ZNF705G: variants seen among roughly 807,000 people sequenced by gnomAD.
The protein encoded by ZNF705G is zinc finger protein 705G.
ZNF705G carries 23 observed loss-of-function variants against 19.6 expected under a neutral mutation model. The ratio of observed to expected loss-of-function variants is 1.17; its 90% confidence interval spans 0.84 to 1.66. The LOEUF is 1.66. ZNF705G is among the 40% of genes most tolerant of loss of function. ZNF705G has a pLI of 0.00. For synonymous variants in ZNF705G, 146 were observed against 117.7 expected (o/e 1.24, Z -1.56); for missense variants, 457 against 354.4 (o/e 1.29, Z -2.32).
At chr8:7,367,183 A>G (rs1469532057) in intron 2 of ZNF705G, among the ~76,000 whole-genome samples, 24 of 149,522 alleles carry the variant, frequency 1.6e-4, no homozygotes, top group Non-Finnish European at 2.5e-4. Context: ...TGATGGGACA[A>G]ATGTCTAATG....
Position 7,361,180 on chromosome 8 carries a change from C to T in ZNF705G, c.69G>A (p.Met23Ile). Residue 23 changes from methionine to isoleucine, a missense_variant, in exon 4 of 7, where the codon ATG becomes ATA. By Grantham distance (10) the Met-to-Ile change is conservative. Coordinates refer to ENST00000400156, the MANE Select transcript of ZNF705G (RefSeq NM_001164457.3). ...ACAGCTTTCTCTTGGATGTGTCCAT[C>T]ATGGCCCACTCTTCCTGGGTGAAGT... ...AIDFTQEEWA[M>I]MDTSKRKLYR... is the part of the protein sequence containing the mutation. 9 of 1,593,142 alleles carry T rather than the reference C, an allele frequency of 5.6e-6. 1 individual carries two copies. The highest frequency in any genetic ancestry group is 4.4e-5 in the South Asian group (4 of 90,748).
At chr8:7,366,105 T>A (rs1448926626) in intron 2 of ZNF705G, among the ~76,000 whole-genome samples, 1 of 149,134 alleles carries the variant, frequency 6.7e-6, no homozygotes, top group Non-Finnish European at 1.5e-5. Flanking sequence ...GAATAGATTT[T>A]TTTAAAGTAT....
At position 7,358,468 on chromosome 8, in the gene ZNF705G, A is replaced by C. The variant is rs1806396875; in HGVS notation, c.411T>G (p.Thr137=). The C allele has an allele frequency of 1.2e-6, 2 of 1,607,602 alleles. No homozygotes were observed. Among genetic ancestry groups the C allele is most frequent in the Non-Finnish European group, 1.7e-6 (2 of 1,179,618 alleles). ...RSSTITQCLL[T]HSGKKPYVSK... ...TGACATAGGGTTTCTTTCCACTATGAGTTAACAAACACTGAGTTATTGTGG... is the reference window on the plus strand; with the variant it reads ...TGACATAGGGTTTCTTTCCACTATGCGTTAACAAACACTGAGTTATTGTGG... Residue 137 remains threonine, a synonymous_variant, in exon 7 of 7, where the codon ACT becomes ACG. Coordinates refer to ENST00000400156, the MANE Select transcript of ZNF705G (RefSeq NM_001164457.3).
intron 2 of ZNF705G, among the ~76,000 whole-genome samples, chr8:7,379,730 A>G (rs564366643): frequency 2.7e-5 from 4 of 147,434 alleles, no homozygotes; most frequent in East Asian, 3.9e-4. Flanking sequence ...GCCAAGGGAC[A>G]GTCTCTCAGC....
intron 2 of ZNF705G, among the ~76,000 whole-genome samples, chr8:7,370,252 C>A (rs1357325112): frequency 7.2e-6 from 1 of 138,776 alleles, no homozygotes; most frequent in East Asian, 2.1e-4. Flanking sequence ...GCCTGTGTGA[C>A]ACACCGAGAC....
Position 7,357,085 on chromosome 8 carries a change from A to G in ZNF705G, c.*891T>C, listed in dbSNP as rs1318279601. ...GATTTTCAAGTTTGATAGCTCCTCA[A>G]TGTGAGAAACTCAATGTCAACTAAG... is the stretch of plus-strand genomic sequence containing the variant. On this transcript the variant is annotated 3_prime_UTR_variant, in exon 7 of 7. Coordinates refer to ENST00000400156, the MANE Select transcript of ZNF705G (RefSeq NM_001164457.3). 8 of 150,104 alleles carry G rather than the reference A, an allele frequency of 5.3e-5. No individual in the cohort carries two copies. Among genetic ancestry groups the G allele is most frequent in the African/African-American group, 2.0e-4 (8 of 39,174 alleles). The allele number at this position is 150,104 out of a possible 1,614,324, so 9.3% of individuals were successfully genotyped here.
chr8:7,361,150 T>A lies in ZNF705G; in HGVS notation c.99A>T (p.Arg33Ser). 1 of 1,593,024 alleles carries A rather than the reference T, an allele frequency of 6.3e-7. No homozygotes were observed. Among genetic ancestry groups the A allele is most frequent in the Non-Finnish European group, 8.5e-7 (1 of 1,179,460 alleles). The change falls in exon 4 of 7, where the codon AGA (arginine) becomes AGT (serine). Residue 33 changes from arginine (R) to serine (S), a missense_variant. By Grantham distance (110) the Arg-to-Ser change is moderately radical. Coordinates refer to ENST00000400156, the MANE Select transcript of ZNF705G (RefSeq NM_001164457.3). ...GACTGATATTTTCCAGCATCACATC[T>A]CTGTACAGCTTTCTCTTGGATGTGT... ...MMDTSKRKLY[R>S]DVMLENISHL...
intron 3 of ZNF705G, among the ~76,000 whole-genome samples, chr8:7,361,561 G>T (rs1182377493): frequency 2.7e-5 from 4 of 149,582 alleles, no homozygotes; most frequent in Admixed American, 1.3e-4. Flanking sequence ...TAAATAAAAT[G>T]AAATTTACCA....
rs529741857 is a variant in ZNF705G, at chr8:7,356,202, T to C, written c.*1774A>G. On this transcript the variant is annotated 3_prime_UTR_variant, in exon 7 of 7. Coordinates refer to ENST00000400156, the MANE Select transcript of ZNF705G (RefSeq NM_001164457.3). ...CAGGAAAAGTACATTGAATCAAATATAGGAAAGGCTTGCAAGGTGGCTGAC... is the reference window on the plus strand; with the variant it reads ...CAGGAAAAGTACATTGAATCAAATACAGGAAAGGCTTGCAAGGTGGCTGAC... The C allele has an allele frequency of 2.0e-5, 3 of 149,614 alleles. No individual in the cohort carries two copies. Among genetic ancestry groups the C allele is most frequent in the East Asian group, 3.9e-4 (2 of 5,180 alleles). 9.3% of individuals were successfully genotyped at this position (149,614 alleles called of 1,614,324 possible). A position where few individuals can be genotyped will look rare whatever the true frequency, so the allele number is the denominator to read the frequency against.
intron 2 of ZNF705G, among the ~76,000 whole-genome samples, chr8:7,380,438 T>G (rs1324091910): frequency 1.4e-5 from 2 of 147,392 alleles, no homozygotes; most frequent in East Asian, 3.9e-4. Flanking sequence ...TCTGGGAGCC[T>G]GGGAATTAAT....
chr8:7,358,256 G>A lies in ZNF705G; in HGVS notation c.623C>T (p.Ala208Val), dbSNP rs762154445. The change falls in exon 7 of 7, where the codon GCC becomes GTC. Residue 208 changes from alanine to valine, a missense_variant. Physicochemically the swap from Ala to Val is moderately conservative, Grantham distance 64. Transcript: ENST00000400156. ...RPYACHLCRK[A>V]FTQCSHLRRH... ...TCTAAGGTGAGAACACTGAGTGAAGGCTTTTCTACATAGATGACATGCATA... is the reference window on the plus strand; with the variant it reads ...TCTAAGGTGAGAACACTGAGTGAAGACTTTTCTACATAGATGACATGCATA... The A allele has an allele frequency of 5.6e-6, 9 of 1,607,496 alleles. No homozygotes were observed. In the Admixed American group the frequency reaches 6.7e-5, roughly 12 times the overall value.
chr8:7,370,836 G>A, intron 2 of ZNF705G, among the ~76,000 whole-genome samples: 1 of 108,098 alleles, frequency 9.3e-6, no homozygotes, highest in Non-Finnish European at 1.9e-5. Context: ...GTGACAGACT[G>A]GATAAAGAAA....
intron 6 of ZNF705G, 28 bp from the exon 7 acceptor site, chr8:7,358,588 A>C (rs574035103): frequency 1.2e-6 from 2 of 1,606,548 alleles, no homozygotes; most frequent in African/African-American, 2.8e-5. Context: ...AAAGCTCTTA[A>C]TGGTTTACCC....
rs1479503980 is a variant in ZNF705G at position 7,358,164 on chromosome 8, G to T, written c.715C>A (p.Gln239Lys). Residue 239 changes from glutamine to lysine, a missense_variant, in exon 7 of 7, where the codon CAA becomes AAA. Coordinates refer to ENST00000400156, the MANE Select transcript of ZNF705G (RefSeq NM_001164457.3). ...KCHQYGKVFI[Q>K]SFNLQRHERT... ...TCATGTCTTTGAAGGTTAAAGGATT[G>T]AATAAAGACTTTCCCATATTGATGA... 2 of 1,607,476 alleles carry T rather than the reference G, an allele frequency of 1.2e-6. No homozygotes were observed. Among genetic ancestry groups the T allele is most frequent in the Admixed American group, 3.3e-5 (2 of 59,936 alleles).
intron 4 of ZNF705G, 94 bp downstream of exon 4, chr8:7,361,016 G>A: frequency 1.9e-6 from 3 of 1,584,946 alleles, no homozygotes; most frequent in Non-Finnish European, 1.7e-6. Flanking sequence ...TCAGAGAAGA[G>A]ATTAGAGTGA....
At chr8:7,358,876 G>A (rs1415454068) in intron 6 of ZNF705G, among the ~76,000 whole-genome samples, 6 of 149,382 alleles carry the variant, frequency 4.0e-5, no homozygotes, top group Admixed American at 6.6e-5. Context: ...TGTTAAAATT[G>A]CACCATGGCA....
chr8:7,364,443 T>A (rs1806763029), intron 2 of ZNF705G, among the ~76,000 whole-genome samples: 1 of 149,712 alleles, frequency 6.7e-6, no homozygotes, highest in Non-Finnish European at 1.5e-5. Flanking sequence ...TTAACCCTCA[T>A]AATAACCCTG....
At chr8:7,361,033 G>C (rs570808544) in intron 4 of ZNF705G, 77 bp downstream of exon 4, 2 of 1,589,960 alleles carry the variant, frequency 1.3e-6, no homozygotes, top group Admixed American at 1.7e-5. Context: ...GTGAGATATG[G>C]GGAAGCTGTT....
rs576890898 is a variant in ZNF705G at position 7,382,815 on chromosome 8, T to A, written c.-221-1214A>T. Among the ~76,000 whole-genome samples, 4 of 146,858 alleles carry A rather than the reference T, an allele frequency of 2.7e-5. No individual in the cohort carries two copies. The East Asian group carries it at 7.7e-4, about 28-fold the overall frequency. On this transcript the variant is annotated intron_variant, in intron 1 of 6. Coordinates refer to ENST00000400156, the MANE Select transcript of ZNF705G (RefSeq NM_001164457.3). ...CTTCTTTTCAAATTTCAGTAGTTTTTGGGGTACAGATAGTTTTTTGTTACA... is the reference window on the plus strand; with the variant it reads ...CTTCTTTTCAAATTTCAGTAGTTTTAGGGGTACAGATAGTTTTTTGTTACA...
Sources: gnomAD v4.1 joint callset for allele counts (sites outside exome capture counted in the v4.1 genomes callset) on GRCh38, gnomAD v4.1.1 for gene constraint, MANE v1.5 for transcripts, NCBI Gene and HGNC (gene_info 2026-07-23, HGNC 2026-07-21) for gene names.